The following CFAP47 variants were observed in gnomAD, a reference collection of about 807,000 sequenced individuals.
The protein encoded by CFAP47 is cilia- and flagella-associated protein 47.
A neutral mutation model predicts 148.1 loss-of-function variants in CFAP47; 29 were observed. The observed-to-expected ratio is 0.20, with a 90% CI of 0.15 to 0.27. The LOEUF is 0.27. CFAP47 is among the 10% of genes least tolerant of loss of function. CFAP47 has a pLI of 1.00. For missense variants in CFAP47, 1,872 were observed against 1,697.5 expected, an observed-to-expected ratio of 1.10 and a Z score of -1.81; for synonymous variants, 664 against 577.3, an observed-to-expected ratio of 1.15 and a Z score of -2.15.
intron 23 of CFAP47, among the ~76,000 whole-genome samples, chrX:36,034,527 C>T (rs1022236828): frequency 2.0e-4 from 22 of 110,865 alleles, no homozygotes; most frequent in African/African-American, 7.2e-4. Context: ...TATTTCCTCT[C>T]CCTATTTATT....
At chrX:36,256,087 T>C (rs1178550796) in intron 49 of CFAP47, among the ~76,000 whole-genome samples, 1 of 111,877 alleles carries the variant, frequency 8.9e-6, no homozygotes, top group Non-Finnish European at 1.9e-5. Flanking sequence ...TAGATAAATA[T>C]GAGAATGCAA....
At chrX:36,125,674 G>A (rs1404371800) in intron 33 of CFAP47, among the ~76,000 whole-genome samples, 1 of 110,603 alleles carries the variant, frequency 9.0e-6, no homozygotes, top group Admixed American at 9.6e-5. Context: ...CCCATTATCA[G>A]GACAAACTGT....
In CFAP47 at chrX:36,379,368, C is replaced by T. The variant is rs1402385376; in HGVS notation, c.9204C>T (p.Thr3068=). ...KSQTRNPEPF[T]AHFLPGSDLE... ...GTTCCAGAAATCCTGAGCCGTTCAC[C>T]GCACACTTCCTACCTGGCAGCGATC... Residue 3068 remains threonine (T), a synonymous_variant, in exon 63 of 64, where the codon ACC becomes ACT. Coordinates refer to ENST00000378653, the MANE Select transcript of CFAP47 (RefSeq NM_001304548.2). 6 of 1,167,158 alleles carry T rather than the reference C, an allele frequency of 5.1e-6. No individual in the cohort carries two copies. Among genetic ancestry groups the T allele is most frequent in the Admixed American group, 2.6e-5 (1 of 38,724 alleles).
intron 2 of CFAP47, among the ~76,000 whole-genome samples, chrX:35,928,110 T>G (rs891714516): frequency 2.7e-5 from 3 of 109,602 alleles, no homozygotes; most frequent in Non-Finnish European, 5.7e-5. Context: ...GCTGCTTTAA[T>G]ATTCCTGTAC....
At chrX:36,119,112 A>C (rs1173858057) in intron 33 of CFAP47, among the ~76,000 whole-genome samples, 1 of 111,746 alleles carries the variant, frequency 8.9e-6, no homozygotes, top group African/African-American at 3.3e-5. Flanking sequence ...TACTTTGTTG[A>C]ATGACAGTGC....
At chrX:35,974,519 G>A (rs1355702642) in intron 13 of CFAP47, among the ~76,000 whole-genome samples, 2 of 111,149 alleles carry the variant, frequency 1.8e-5, no homozygotes, top group Non-Finnish European at 3.8e-5. Flanking sequence ...AATGGTGGGA[G>A]AGAAGGAATG....
intron 22 of CFAP47, among the ~76,000 whole-genome samples, chrX:36,017,999 G>T (rs751596910): frequency 9.0e-6 from 1 of 110,959 alleles, no homozygotes; most frequent in Admixed American, 9.6e-5. Context: ...AACCGAGAAC[G>T]TGAAATATCA....
At chrX:36,018,233 A>G (rs1334039130) in intron 22 of CFAP47, among the ~76,000 whole-genome samples, 2 of 111,917 alleles carry the variant, frequency 1.8e-5, no homozygotes, top group African/African-American at 3.2e-5. Context: ...ACTCTACTGA[A>G]TTTGTCATTT....
chrX:36,349,937 A>G (rs1488693407), intron 58 of CFAP47, 101 bp from the exon 59 acceptor site: 1 of 461,368 alleles, frequency 2.2e-6, no homozygotes, highest in East Asian at 4.0e-5. Context: ...GTCTGAATTT[A>G]CAAGCTTTAC....
At chrX:36,240,000 T>C (rs1350591824) in intron 48 of CFAP47, among the ~76,000 whole-genome samples, 1 of 111,943 alleles carries the variant, frequency 8.9e-6, no homozygotes, top group East Asian at 2.8e-4. Flanking sequence ...TGCTGACCGC[T>C]AAGCCAACTA....
intron 45 of CFAP47, among the ~76,000 whole-genome samples, chrX:36,223,530 A>G (rs1471584919): frequency 2.7e-5 from 3 of 111,730 alleles, no homozygotes; most frequent in African/African-American, 9.7e-5. Context: ...AAAAACAACT[A>G]TAGAAGGCAG....
chrX:36,110,281 A>AT (rs1475959150), intron 33 of CFAP47, among the ~76,000 whole-genome samples: 1 of 111,614 alleles, frequency 9.0e-6, no homozygotes, highest in East Asian at 2.8e-4. Context: ...ATTTGGATTA[A>AT]TTTTTATATA....
intron 33 of CFAP47, among the ~76,000 whole-genome samples, chrX:36,121,889 TG>T (rs1938750877): frequency 9.0e-6 from 1 of 111,351 alleles, no homozygotes; most frequent in South Asian, 3.7e-4. Context: ...TACCATCAGA[TG>T]ATTTTTTTAT....
rs139802379 is a variant in CFAP47 at position 35,978,815 on chromosome X, A to G, written c.2713+2902A>G. 5.8e-3 allele frequency among the ~76,000 whole-genome samples: 649 copies of G among 111,716 alleles called. 7 individuals carry two copies. The highest frequency in any genetic ancestry group is 0.02 in the African/African-American group (621 of 30,771). On this transcript the variant is annotated intron_variant, in intron 15 of 63. Coordinates refer to ENST00000378653, the MANE Select transcript of CFAP47 (RefSeq NM_001304548.2). The stretch of plus-strand genomic sequence containing the variant: ...ATCAGTTTTGCATCCTGGACAATAC[A>G]TTTAATCATATGCCTCTCTCTATAT...
intron 61 of CFAP47, among the ~76,000 whole-genome samples, chrX:36,362,819 G>A (rs1400151450): frequency 8.9e-6 from 1 of 111,866 alleles, no homozygotes; most frequent in Non-Finnish European, 1.9e-5. Context: ...TCTTCAGGAA[G>A]CAGCAATAAA....
At chrX:36,170,986 A>C (rs1939566684) in intron 39 of CFAP47, among the ~76,000 whole-genome samples, 2 of 110,512 alleles carry the variant, frequency 1.8e-5, no homozygotes, top group African/African-American at 3.3e-5. Context: ...AATGATTGCC[A>C]TTCTACCTGG....
intron 16 of CFAP47, 43 bp from the exon 17 acceptor site, chrX:35,991,778 C>T (rs923426087): frequency 4.9e-5 from 14 of 288,198 alleles, no homozygotes; most frequent in Non-Finnish European, 7.9e-5. Flanking sequence ...TTTTATTTAC[C>T]ATTAATTCAA....
rs774067964 is a variant in CFAP47, at chrX:36,099,734, T to C, written c.4999-17T>C. The C allele has an allele frequency of 2.1e-5, 16 of 762,758 alleles. No individual in the cohort carries two copies. The highest frequency in any genetic ancestry group is 2.7e-5 in the Non-Finnish European group (14 of 513,085). The allele number at this position is 762,758 out of a possible 1,213,427, so 62.9% of individuals were successfully genotyped here. On this transcript the variant is annotated splice_polypyrimidine_tract_variant and intron_variant, in intron 31 of 63. Transcript: ENST00000378653. ...CCTTAAATTTTAATTAATGTTGTACTATTTTATTTCTTAAAGTCTTCCACT... is the reference window on the plus strand; with the variant it reads ...CCTTAAATTTTAATTAATGTTGTACCATTTTATTTCTTAAAGTCTTCCACT...
chrX:36,145,324 T>G lies in CFAP47; in HGVS notation c.5641T>G (p.Cys1881Gly), dbSNP rs1939217869. 3.3e-6 allele frequency: 1 copy of G among 298,700 alleles called. No individual in the cohort carries two copies. The highest frequency in any genetic ancestry group is 5.8e-6 in the Non-Finnish European group (1 of 171,040). The allele number at this position is 298,700 out of a possible 1,213,427, so 24.6% of individuals were successfully genotyped here. ...CCCTAAGAAGGTGGTGTCCTTTGAA[T>G]GTACTCTACATGACACGGTGCTGAA... is the stretch of plus-strand genomic sequence containing the variant. The part of the protein sequence containing the change: ...YLPKKVVSFE[C>G]TLHDTVLNKI... Residue 1881 changes from cysteine (C) to glycine (G), a missense_variant, in exon 36 of 64, where the codon TGT becomes GGT. Coordinates refer to ENST00000378653, the MANE Select transcript of CFAP47 (RefSeq NM_001304548.2).
Sources: gnomAD v4.1 joint callset for allele counts (sites outside exome capture counted in the v4.1 genomes callset) on GRCh38, gnomAD v4.1.1 for gene constraint, MANE v1.5 for transcripts, NCBI Gene and HGNC (gene_info 2026-07-23, HGNC 2026-07-21) for gene names.